The following KAZN variants were observed in gnomAD, a reference collection of about 807,000 sequenced individuals.
KAZN encodes the protein kazrin, periplakin interacting protein, also known as kazrin.
A neutral mutation model predicts 87.4 loss-of-function variants in KAZN; 40 were observed. That is an observed-to-expected ratio of 0.46 (90% CI 0.36 to 0.60). The LOEUF (loss-of-function observed/expected upper bound fraction) is 0.60, where lower values mean the gene tolerates loss of function less well. Among genes scored for constraint, KAZN ranks in the 20% least tolerant of loss-of-function variants. KAZN has a pLI of 0.00. For synonymous variants in KAZN, 466 were observed against 458.3 expected (o/e 1.02, Z -0.22); for missense variants, 898 against 1,073.9 (o/e 0.84, Z 2.29).
intron 1 of KAZN, among the ~76,000 whole-genome samples, chr1:14,826,270 G>T (rs1260474368): frequency 6.6e-6 from 1 of 152,258 alleles, no homozygotes; most frequent in African/African-American, 2.4e-5. Context: ...GTGACCAGGA[G>T]GGTGTGCTAA....
At chr1:14,061,545 C>T (rs940659082) in intron 1 of KAZN, among the ~76,000 whole-genome samples, 5 of 152,166 alleles carry the variant, frequency 3.3e-5, no homozygotes, top group African/African-American at 7.2e-5. Flanking sequence ...GGCAAGCAGA[C>T]CCACATCCCA....
At chr1:14,616,316 G>A (rs372681800) in intron 1 of KAZN, among the ~76,000 whole-genome samples, 17 of 152,282 alleles carry the variant, frequency 1.1e-4, no homozygotes, top group East Asian at 3.9e-4. Flanking sequence ...CTGTGCCGCA[G>A]ATCCCAGCAG....
intron 1 of KAZN, among the ~76,000 whole-genome samples, chr1:14,936,768 C>T (rs538333056): frequency 1.3e-5 from 2 of 152,240 alleles, no homozygotes; most frequent in Non-Finnish European, 2.9e-5. Context: ...TGACTGAAAC[C>T]AGAAAGGAAA....
At chr1:13,979,103 A>G (rs1638528622) in intron 1 of KAZN, among the ~76,000 whole-genome samples, 1 of 152,078 alleles carries the variant, frequency 6.6e-6, no homozygotes, top group South Asian at 2.1e-4. Flanking sequence ...CTCAAGAAAA[A>G]AAAAAAAAGC....
intron 1 of KAZN, among the ~76,000 whole-genome samples, chr1:14,853,116 T>G (rs112206443): frequency 2.1e-4 from 32 of 152,230 alleles, no homozygotes; most frequent in African/African-American, 6.5e-4. Context: ...TTTCACAAAC[T>G]CTTCTGGAGG....
chr1:14,863,923 C>A (rs3765379), intron 1 of KAZN, among the ~76,000 whole-genome samples: 38,467 of 152,110 alleles, frequency 0.25, 5,561 homozygotes, highest in African/African-American at 0.39. Context: ...GAACTACAGC[C>A]TGAGTTGGGG....
intron 2 of KAZN, among the ~76,000 whole-genome samples, chr1:14,224,589 A>G (rs2100514093): frequency 6.6e-6 from 1 of 152,308 alleles, no homozygotes; most frequent in East Asian, 1.9e-4. Flanking sequence ...ACAGGTTAGT[A>G]CTAAACTGGA....
At chr1:14,146,454 T>A in intron 1 of KAZN, among the ~76,000 whole-genome samples, 1 of 148,196 alleles carries the variant, frequency 6.7e-6, no homozygotes, top group East Asian at 2.0e-4. Context: ...GAGAATTGTT[T>A]GAACCTGGGA....
intron 2 of KAZN, among the ~76,000 whole-genome samples, chr1:14,307,327 G>T (rs1439715129): frequency 6.6e-6 from 1 of 152,124 alleles, no homozygotes; most frequent in Non-Finnish European, 1.5e-5. Flanking sequence ...TCAAGAACTG[G>T]CATGAACTTA....
At chr1:14,339,361 T>C (rs140777649) in intron 2 of KAZN, among the ~76,000 whole-genome samples, 99 of 152,184 alleles carry the variant, frequency 6.5e-4, no homozygotes, top group African/African-American at 2.3e-3. Context: ...GTATTAGGCA[T>C]AGGAGAGGAG....
intron 1 of KAZN, among the ~76,000 whole-genome samples, chr1:14,728,171 A>G (rs987687485): frequency 6.6e-5 from 10 of 151,458 alleles, no homozygotes; most frequent in Admixed American, 3.9e-4. Flanking sequence ...CTGTAATCCC[A>G]GCTACTCGGG....
At chr1:14,529,667 A>G (rs1358641673) in intron 2 of KAZN, among the ~76,000 whole-genome samples, 1 of 152,118 alleles carries the variant, frequency 6.6e-6, no homozygotes, top group East Asian at 1.9e-4. Context: ...GGAGAAGGAA[A>G]GAGAAAGGAG....
chr1:15,104,624 T>TATA lies in KAZN; in HGVS notation c.2048+435_2048+436insATA, dbSNP rs1472963365. ...GGAATGAGCATATTAATGATGCTTA[T>TATA]GGACCAGGTAAGCAGACCACATCAG... On this transcript the variant is annotated intron_variant, in intron 13 of 14. Transcript: ENST00000376030. 3.3e-5 allele frequency among the ~76,000 whole-genome samples: 5 copies of TATA among 152,270 alleles called. No individual in the cohort carries two copies. The East Asian group carries it at 9.7e-4, about 29-fold the overall frequency.
At chr1:14,724,618 A>G (rs928397866) in intron 1 of KAZN, among the ~76,000 whole-genome samples, 3 of 152,184 alleles carry the variant, frequency 2.0e-5, no homozygotes, top group Non-Finnish European at 4.4e-5. Flanking sequence ...ACTGCCACCA[A>G]TTTATTGCCT....
intron 2 of KAZN, among the ~76,000 whole-genome samples, chr1:14,191,138 G>A (rs1170194204): frequency 1.2e-4 from 19 of 152,134 alleles, no homozygotes. Flanking sequence ...AAGCAAAAGG[G>A]TGCATTGAAT....
At chr1:13,919,232 C>T (rs1570276714) in intron 1 of KAZN, among the ~76,000 whole-genome samples, 1 of 152,208 alleles carries the variant, frequency 6.6e-6, no homozygotes, top group East Asian at 1.9e-4. Flanking sequence ...TTCTCCCAAG[C>T]ACGACCTCTG....
At chr1:14,751,149 T>C (rs1644403164) in intron 1 of KAZN, among the ~76,000 whole-genome samples, 1 of 152,224 alleles carries the variant, frequency 6.6e-6, no homozygotes, top group South Asian at 2.1e-4. Context: ...AAATCATACA[T>C]GCTCATTTTA....
At chr1:14,105,857 T>A (rs532590357) in intron 1 of KAZN, among the ~76,000 whole-genome samples, 1 of 152,342 alleles carries the variant, frequency 6.6e-6, no homozygotes, top group East Asian at 1.9e-4. Context: ...ATAGCTGCAT[T>A]TCCCGAAGGG....
chr1:14,327,337 A>G (rs1214273668), intron 2 of KAZN, among the ~76,000 whole-genome samples: 1 of 152,118 alleles, frequency 6.6e-6, no homozygotes, highest in Non-Finnish European at 1.5e-5. Context: ...CCTGAGCCCC[A>G]GCCACCACAG....
Sources: allele counts gnomAD v4.1 joint callset (sites outside exome capture counted in the v4.1 genomes callset), GRCh38; gene constraint gnomAD v4.1.1; transcripts MANE v1.5; gene names NCBI Gene and HGNC (gene_info 2026-07-23, HGNC 2026-07-21).